The following MAP2K5 variants were observed in gnomAD, a reference collection of about 807,000 sequenced individuals.
The protein encoded by MAP2K5 is dual specificity mitogen-activated protein kinase kinase 5.
MAP2K5 carries 49 observed loss-of-function variants against 83.1 expected under a neutral mutation model. The ratio of observed to expected loss-of-function variants is 0.59; its 90% confidence interval spans 0.47 to 0.75. The LOEUF is 0.75. Ranked by LOEUF, MAP2K5 falls within the 30% of genes least tolerant of loss-of-function variation. MAP2K5 has a pLI of 0.00. For missense variants in MAP2K5, 457 were observed against 557.5 expected (o/e 0.82, Z 1.82); for synonymous variants, 202 against 191.8 (o/e 1.05, Z -0.44).
chr15:67,634,842 A>AT (rs1228632133), intron 9 of MAP2K5, among the ~76,000 whole-genome samples: 1 of 151,884 alleles, frequency 6.6e-6, no homozygotes, highest in Non-Finnish European at 1.5e-5. Context: ...GTTGGGTCTT[A>AT]TTTTTTAATC....
intron 15 of MAP2K5, 57 bp from the exon 16 acceptor site, chr15:67,703,280 A>G: frequency 7.9e-7 from 1 of 1,268,040 alleles, no homozygotes; most frequent in Non-Finnish European, 1.2e-6. Context: ...ATTTTGGTGT[A>G]TGTGTTTTCC....
Position 67,722,557 on chromosome 15 carries a change from A to G in MAP2K5, c.1045-5359A>G, listed in dbSNP as rs553758127. 1.2e-4 allele frequency among the ~76,000 whole-genome samples: 19 copies of G among 152,284 alleles called. No homozygotes were observed. In the South Asian group the frequency reaches 3.9e-3, roughly 32 times the overall value. On this transcript the variant is annotated intron_variant, in intron 16 of 21. Coordinates refer to ENST00000178640, the MANE Select transcript of MAP2K5 (RefSeq NM_145160.3). This position sits in a 1 kb window ranked among gnomAD's most constrained non-coding sequence, Gnocchi z 4.2. ...AAATTGATACATGGGGAAAAAAGTA[A>G]AATCTTAGAGTAGATTTTGAGGTAT...
In MAP2K5 at chr15:67,778,099, T is replaced by G. The variant is rs2090269490; in HGVS notation, c.1242+5347T>G. 6.6e-6 allele frequency among the ~76,000 whole-genome samples: 1 copy of G among 152,228 alleles called. No homozygotes were observed. The highest frequency in any genetic ancestry group is 6.5e-5 in the Admixed American group (1 of 15,282). On this transcript the variant is annotated intron_variant, in intron 21 of 21. Transcript: ENST00000178640. The surrounding 1 kb of genome is among the most constrained non-coding windows in gnomAD (Gnocchi z 5.0). ...CTAAGGCTTTATGTATAAGAGGTGGTAATGTTTGGGGGCTAATAAACACCA... is the reference window on the plus strand; with the variant it reads ...CTAAGGCTTTATGTATAAGAGGTGGGAATGTTTGGGGGCTAATAAACACCA...
Position 67,806,714 on chromosome 15 carries a change from G to A in MAP2K5, c.1311G>A (p.Ala437=), listed in dbSNP as rs548771533. 367 of 1,552,326 alleles carry A rather than the reference G, an allele frequency of 2.4e-4. No homozygotes were observed. Among genetic ancestry groups the A allele is most frequent in the Non-Finnish European group, 3.1e-4 (353 of 1,148,380 alleles). ...AAVVSMWVCR[A]LEERRSQQGP... is the part of the protein sequence containing the mutation. Reference sequence around the variant, plus strand: ...TGGTGTCCATGTGGGTGTGCCGGGCGCTGGAGGAGAGGCGGAGCCAGCAGG... The same window carrying A: ...TGGTGTCCATGTGGGTGTGCCGGGCACTGGAGGAGAGGCGGAGCCAGCAGG... The change falls in exon 22 of 22, where the codon GCG becomes GCA. Residue 437 remains alanine (A), a synonymous_variant. Transcript: ENST00000178640.
intron 13 of MAP2K5, among the ~76,000 whole-genome samples, chr15:67,687,230 A>C (rs1027189319): frequency 2.0e-5 from 3 of 152,228 alleles, no homozygotes; most frequent in Non-Finnish European, 4.4e-5. Context: ...TTGGTCTTTT[A>C]AATGCTGGCC....
rs184928640 is a variant in MAP2K5 at position 67,676,761 on chromosome 15, G to A, written c.847+12116G>A. 3.3e-4 allele frequency among the ~76,000 whole-genome samples: 51 copies of A among 152,252 alleles called. No individual in the cohort carries two copies. The highest frequency in any genetic ancestry group is 4.1e-4 in the Non-Finnish European group (28 of 68,032). On this transcript the variant is annotated intron_variant, in intron 13 of 21. Coordinates refer to ENST00000178640, the MANE Select transcript of MAP2K5 (RefSeq NM_145160.3). This position sits in a 1 kb window ranked among gnomAD's most constrained non-coding sequence, Gnocchi z 4.8. ...TCCATTCTTAGGTGAAGCAATCAAG[G>A]CTCAAGCAGCCTAAAAAACTTGCTT...
rs1333265566 is a variant in MAP2K5, at chr15:67,550,039, G to T, written c.141G>T (p.Val47=). ...PQLLFRDVLD[V]IGQVLPEATT... is the part of the protein sequence containing the mutation. Reference sequence around the variant, plus strand: ...TTTATTCTTTCTTTGTTTAGGATGTGATAGGCCAGGTTCTGCCTGAAGCAA... The same window carrying T: ...TTTATTCTTTCTTTGTTTAGGATGTTATAGGCCAGGTTCTGCCTGAAGCAA... Residue 47 remains valine (V), a synonymous_variant, in exon 2 of 22, where the codon GTG becomes GTT. Coordinates refer to ENST00000178640, the MANE Select transcript of MAP2K5 (RefSeq NM_145160.3). The T allele has an allele frequency of 1.2e-6, 2 of 1,613,084 alleles. No homozygotes were observed. Among genetic ancestry groups the T allele is most frequent in the African/African-American group, 2.7e-5 (2 of 74,904 alleles).
intron 11 of MAP2K5, among the ~76,000 whole-genome samples, chr15:67,657,799 A>AT (rs1294320283): frequency 6.6e-6 from 1 of 152,084 alleles, no homozygotes; most frequent in South Asian, 2.1e-4. Flanking sequence ...TGAATACACG[A>AT]TTTTTTTACA....
intron 21 of MAP2K5, among the ~76,000 whole-genome samples, chr15:67,788,827 G>T (rs1288522595): frequency 6.6e-6 from 1 of 151,998 alleles, no homozygotes; most frequent in Non-Finnish European, 1.5e-5. Flanking sequence ...TTAAAAACTA[G>T]TTGGACATGG....
intron 12 of MAP2K5, among the ~76,000 whole-genome samples, chr15:67,663,641 G>A (rs1596748743): frequency 6.6e-6 from 1 of 152,126 alleles, no homozygotes; most frequent in Non-Finnish European, 1.5e-5. Flanking sequence ...GGGAGGCCGA[G>A]GCAGGAGGAT....
At chr15:67,601,163 A>G (rs1011286743) in intron 8 of MAP2K5, among the ~76,000 whole-genome samples, 1 of 152,154 alleles carries the variant, frequency 6.6e-6, no homozygotes, top group African/African-American at 2.4e-5. Context: ...CTGTGTCAAC[A>G]CTATAAGTTA....
At chr15:67,789,143 A>G (rs1204305215) in intron 21 of MAP2K5, among the ~76,000 whole-genome samples, 1 of 152,014 alleles carries the variant, frequency 6.6e-6, no homozygotes, top group South Asian at 2.1e-4. Flanking sequence ...TTGCTTTTTT[A>G]CTTAGTGAGT....
At chr15:67,679,848 C>G (rs997255746) in intron 13 of MAP2K5, 1 of 151,978 alleles carries the variant, frequency 6.6e-6, no homozygotes, top group Non-Finnish European at 1.5e-5. Context: ...ATTTGCATGC[C>G]ATAAAATTCA....
chr15:67,582,848 A>ACACACACACG lies in MAP2K5; in HGVS notation c.322+2032_322+2033insACGCACACAC, dbSNP rs1555528731. Reference sequence around the variant, plus strand: ...AACACACACACACACACACACACACACACACACTTCCAATGTTGTGGGTCT... The same window carrying ACACACACACG: ...AACACACACACACACACACACACACACACACACACGCACACACTTCCAATGTTGTGGGTCT... On this transcript the variant is annotated intron_variant, in intron 4 of 21. Transcript: ENST00000178640. Among the ~76,000 whole-genome samples, 50 of 151,528 alleles carry ACACACACACG rather than the reference A, an allele frequency of 3.3e-4. 1 individual carries two copies. The highest frequency in any genetic ancestry group is 1.2e-3 in the African/African-American group (48 of 41,018).
chr15:67,647,969 G>C (rs1056667750), intron 11 of MAP2K5, among the ~76,000 whole-genome samples: 12 of 152,190 alleles, frequency 7.9e-5, no homozygotes, highest in Admixed American at 7.9e-4. Flanking sequence ...GAGCCCAGGA[G>C]ATTAAGCCTG....
intron 13 of MAP2K5, among the ~76,000 whole-genome samples, chr15:67,681,484 T>C (rs1361802173): frequency 6.6e-6 from 1 of 152,238 alleles, no homozygotes; most frequent in Non-Finnish European, 1.5e-5. Context: ...GGAATCTATT[T>C]TGATGCCTAT....
At position 67,592,969 on chromosome 15, in the gene MAP2K5, G is replaced by T; in HGVS notation, c.475G>T (p.Gly159Cys). The change falls in exon 7 of 22, where the codon GGC becomes TGC. Residue 159 changes from glycine to cysteine, a missense_variant. Gly to Cys is a radical substitution (Grantham distance 159). Around this residue, in one of 3 missense-constraint regions of MAP2K5, gnomAD observed 234 missense variants for 243.6 expected, o/e 0.96. Transcript: ENST00000178640. ...TGAACTGAAAAAAATACTAGCCAAT[G>T]GCCAGGTAGGTATTATTATATATTA... is the stretch of plus-strand genomic sequence containing the variant. Reference protein sequence around the residue: ...SAELKKILANGQMNEQDIRYR... With the variant: ...SAELKKILANCQMNEQDIRYR... The T allele has an allele frequency of 6.3e-7, 1 of 1,593,692 alleles. No homozygotes were observed. Among genetic ancestry groups the T allele is most frequent in the Non-Finnish European group, 8.6e-7 (1 of 1,164,360 alleles).
intron 16 of MAP2K5, among the ~76,000 whole-genome samples, chr15:67,707,497 T>C (rs2088585033): frequency 6.6e-6 from 1 of 152,244 alleles, no homozygotes; most frequent in Non-Finnish European, 1.5e-5. Flanking sequence ...CAAAATTCTC[T>C]TTCTAGTAGA....
In MAP2K5 at chr15:67,543,549, AC is replaced by A. The variant is rs1408244289; in HGVS notation, c.135+81del. Reference sequence around the variant, plus strand: ...GTAGTCAGCACCTTGACCACTGGTGACCTGAGCCAGTGGCAATGGCTACTGC... The same window carrying A: ...GTAGTCAGCACCTTGACCACTGGTGACTGAGCCAGTGGCAATGGCTACTGC... On this transcript the variant is annotated intron_variant, in intron 1 of 21. Coordinates refer to ENST00000178640, the MANE Select transcript of MAP2K5 (RefSeq NM_145160.3). The surrounding 1 kb of genome is among the most constrained non-coding windows in gnomAD (Gnocchi z 4.3). 1.4e-5 allele frequency: 21 copies of A among 1,543,858 alleles called. No individual in the cohort carries two copies. Among genetic ancestry groups the A allele is most frequent in the African/African-American group, 2.7e-5 (2 of 73,496 alleles).
Sources: gnomAD v4.1 joint callset for allele counts (sites outside exome capture counted in the v4.1 genomes callset) on GRCh38, gnomAD v4.1.1 for gene constraint, gnomAD v4.1.1 regional missense constraint, Gnocchi (gnomAD v3.1) non-coding constraint, MANE v1.5 for transcripts, NCBI Gene and HGNC (gene_info 2026-07-23, HGNC 2026-07-21) for gene names.